CPS1: variants seen among roughly 807,000 people sequenced by gnomAD.
CPS1 encodes the protein carbamoyl-phosphate synthase [ammonia], mitochondrial.
In CPS1, 109 loss-of-function variants were observed where a neutral mutation model predicts 174.6. The ratio of observed to expected loss-of-function variants is 0.62; its 90% CI spans 0.53 to 0.73. The LOEUF is 0.73. Ranked by LOEUF, CPS1 falls within the 30% of genes least tolerant of loss-of-function variation. The pLI is 0.00. For synonymous variants in CPS1, 637 were observed against 632.0 expected (o/e 1.01, Z -0.12); for missense variants, 1,689 against 1,821.9 (o/e 0.93, Z 1.33).
intron 1 of CPS1, among the ~76,000 whole-genome samples, chr2:210,504,913 G>A (rs1014603066): frequency 9.9e-5 from 15 of 151,944 alleles, no homozygotes; most frequent in African/African-American, 3.4e-4. Context: ...TTGGGAGGAC[G>A]ACCTACTTTT....
At chr2:210,516,325 C>G (rs1003575059) in intron 1 of CPS1, among the ~76,000 whole-genome samples, 7 of 151,752 alleles carry the variant, frequency 4.6e-5, no homozygotes, top group African/African-American at 7.2e-5. Context: ...TCTTATACTT[C>G]TCTCTTTCTT....
intron 21 of CPS1, among the ~76,000 whole-genome samples, chr2:210,629,551 G>A (rs1057045817): frequency 5.9e-5 from 9 of 151,274 alleles, no homozygotes; most frequent in Admixed American, 5.9e-4. Context: ...TCCTGACCTC[G>A]TGATCCGCCC....
At chr2:210,669,020 A>G (rs1334647719) in intron 34 of CPS1, among the ~76,000 whole-genome samples, 1 of 152,172 alleles carries the variant, frequency 6.6e-6, no homozygotes, top group Non-Finnish European at 1.5e-5. Flanking sequence ...GTAGTGACTT[A>G]ATGGGCCTAA....
intron 1 of CPS1, among the ~76,000 whole-genome samples, chr2:210,498,076 C>T (rs190539207): frequency 4.9e-4 from 74 of 151,584 alleles, no homozygotes; most frequent in African/African-American, 1.5e-3. Context: ...TCGCCAGCAT[C>T]GGTTGTTTTT....
At chr2:210,527,536 GGCCAT>G (rs1696006243) in intron 1 of CPS1, among the ~76,000 whole-genome samples, 1 of 151,922 alleles carries the variant, frequency 6.6e-6, no homozygotes, top group East Asian at 1.9e-4. Context: ...AGTAACCTGG[GGCCAT>G]CTTTCAGGTC....
chr2:210,533,196 G>A (rs1208428096), intron 1 of CPS1, among the ~76,000 whole-genome samples: 1 of 152,102 alleles, frequency 6.6e-6, no homozygotes. Flanking sequence ...ACTCAAAGAA[G>A]ACCTTAATCC....
chr2:210,566,259 C>T lies in CPS1; in HGVS notation c.127-7039C>T, dbSNP rs190254948. Among the ~76,000 whole-genome samples, 60 of 152,202 alleles carry T rather than the reference C, an allele frequency of 3.9e-4. No homozygotes were observed. The East Asian group carries it at 0.011, about 27-fold the overall frequency. On this transcript the variant is annotated intron_variant, in intron 1 of 37. Coordinates refer to ENST00000233072, the MANE Select transcript of CPS1 (RefSeq NM_001875.5). ...TATGTTATCTAGAAATTGAATCCTC[C>T]ATCACTGGGGAAAAGGGAGGGGGGA... is the stretch of plus-strand genomic sequence containing the variant.
At chr2:210,536,015 A>G (rs1696242025) in intron 1 of CPS1, among the ~76,000 whole-genome samples, 1 of 151,990 alleles carries the variant, frequency 6.6e-6, no homozygotes, top group South Asian at 2.1e-4. Context: ...GAGAGATTAC[A>G]TCCAGATGCA....
At chr2:210,595,689 A>C (rs1183754862) in intron 13 of CPS1, 107 bp downstream of exon 13, 2 of 811,626 alleles carry the variant, frequency 2.5e-6, no homozygotes, top group East Asian at 5.3e-5. Flanking sequence ...AGTTGCTATA[A>C]TTATTTTCCT....
intron 21 of CPS1, among the ~76,000 whole-genome samples, chr2:210,624,874 T>A (rs1034245531): frequency 1.3e-5 from 2 of 152,042 alleles, no homozygotes; most frequent in Non-Finnish European, 2.9e-5. Flanking sequence ...TTAATTATTG[T>A]ATGTTTGCTA....
At chr2:210,536,789 T>TTAAGAGAGAAATGAGAG (rs1696267171) in intron 1 of CPS1, among the ~76,000 whole-genome samples, 1 of 152,120 alleles carries the variant, frequency 6.6e-6, no homozygotes, top group African/African-American at 2.4e-5. Context: ...CTTATATCCA[T>TTAAGAGAGAAATGAGAG]TAAGAGAGAA....
chr2:210,500,221 A>G lies in CPS1; in HGVS notation c.3+22455A>G, dbSNP rs146968716. On this transcript the variant is annotated intron_variant, in intron 1 of 38. Coordinates refer to the CPS1 transcript ENST00000430249. ...TGGGGATTATCATTTCAAGATTACA[A>G]TTCAAGATGAGATTTGGGTGGGGAC... 2.8e-3 allele frequency among the ~76,000 whole-genome samples: 421 copies of G among 152,220 alleles called. 11 individuals carry two copies. Among genetic ancestry groups the G allele is most frequent in the East Asian group, 0.019 (99 of 5,152 alleles).
intron 1 of CPS1, among the ~76,000 whole-genome samples, chr2:210,550,581 C>G (rs1696702919): frequency 6.6e-6 from 1 of 151,956 alleles, no homozygotes; most frequent in Non-Finnish European, 1.5e-5. Flanking sequence ...CTCAGGGGAT[C>G]AACAAGTGGC....
intron 1 of CPS1, among the ~76,000 whole-genome samples, chr2:210,540,547 A>C (rs962132978): frequency 1.3e-5 from 2 of 152,166 alleles, no homozygotes; most frequent in African/African-American, 4.8e-5. Flanking sequence ...AGACCAATTT[A>C]TACTCTTGCT....
chr2:210,638,231 A>C (rs572481692), intron 22 of CPS1, among the ~76,000 whole-genome samples: 1 of 152,226 alleles, frequency 6.6e-6, no homozygotes, highest in African/African-American at 2.4e-5. Flanking sequence ...TGAAAATAAT[A>C]GTTATCTCCT....
intron 1 of CPS1, among the ~76,000 whole-genome samples, chr2:210,515,485 G>A (rs534128084): frequency 5.3e-5 from 8 of 151,750 alleles, no homozygotes; most frequent in Admixed American, 1.3e-4. Context: ...TGTATTTTGT[G>A]TGTGTAGATG....
intron 16 of CPS1, 150 bp downstream of exon 16, chr2:210,602,480 C>T: frequency 9.8e-7 from 1 of 1,020,688 alleles, no homozygotes; most frequent in Non-Finnish European, 1.5e-6. Flanking sequence ...AAAGATGACA[C>T]TTTTGCGAGA....
intron 1 of CPS1, among the ~76,000 whole-genome samples, chr2:210,485,295 A>T (rs1291464254): frequency 6.6e-6 from 1 of 152,060 alleles, no homozygotes; most frequent in Non-Finnish European, 1.5e-5. Context: ...ACATAAGTAA[A>T]CGGTATCTAA....
At chr2:210,615,162 A>T (rs1490843750) in intron 20 of CPS1, among the ~76,000 whole-genome samples, 1 of 151,950 alleles carries the variant, frequency 6.6e-6, no homozygotes, top group East Asian at 1.9e-4. Flanking sequence ...TGATCTCTTA[A>T]AAGTTTCAGT....
Sources: allele counts gnomAD v4.1 joint callset (sites outside exome capture counted in the v4.1 genomes callset), GRCh38; gene constraint gnomAD v4.1.1; transcripts MANE v1.5; gene names NCBI Gene and HGNC (gene_info 2026-07-23, HGNC 2026-07-21).